Variants in PASK observed in about 807,000 individuals in gnomAD.
PASK encodes the protein PAS domain-containing serine/threonine-protein kinase.
PASK carries 110 observed loss-of-function variants against 121.0 expected under a neutral mutation model. The ratio of observed to expected loss-of-function variants is 0.91; its 90% CI spans 0.78 to 1.06. The LOEUF (loss-of-function observed/expected upper bound fraction) is 1.06. Ranked by LOEUF, PASK falls within the 50% of genes least tolerant of loss-of-function variation. PASK has a pLI of 0.00. For missense variants in PASK, 1,643 were observed against 1,702.3 expected (o/e 0.97, Z 0.61); for synonymous variants, 686 against 717.8 (o/e 0.96, Z 0.71).
At chr2:241,106,767 A>C in intron 17 of PASK, 44 bp from the exon 18 acceptor site, 2 of 1,593,876 alleles carry the variant, frequency 1.3e-6, no homozygotes, top group Non-Finnish European at 1.7e-6. Flanking sequence ...TAACAACTTA[A>C]GGTTCTAAAA....
rs752711772 is a variant in PASK, at chr2:241,138,654, A to G, written c.741T>C (p.Asp247=). The change falls in exon 5 of 18, where the codon GAT becomes GAC. Residue 247 remains aspartate, a splice_region_variant and synonymous_variant. Transcript: ENST00000234040. The stretch of plus-strand genomic sequence containing the variant: ...ACATGAGGCAAAGTTGCACACTCAC[A>G]TCGCTCTGGAAAGCGACCCAGGTCG... ...RVSTWVAFQS[D]GTVTSCDSLF... The G allele has an allele frequency of 6.2e-7, 1 of 1,613,984 alleles. No individual in the cohort carries two copies. Among genetic ancestry groups the G allele is most frequent in the Non-Finnish European group, 8.5e-7 (1 of 1,180,040 alleles).
At chr2:241,107,573 TCAC>T in intron 16 of PASK, 74 bp from the exon 17 acceptor site, 1 of 1,441,622 alleles carries the variant, frequency 6.9e-7, no homozygotes, top group Non-Finnish European at 9.6e-7. Flanking sequence ...TCCTGGGTGC[TCAC>T]CACCCCCCCG....
intron 14 of PASK, chr2:241,114,134 G>C: frequency 1.0e-6 from 1 of 985,306 alleles, no homozygotes; most frequent in South Asian, 4.7e-5. Flanking sequence ...TCAGAAACAA[G>C]TGTTGGCCAC....
At chr2:241,122,172 T>A (rs1231718436) in intron 12 of PASK, among the ~76,000 whole-genome samples, 2 of 151,328 alleles carry the variant, frequency 1.3e-5, no homozygotes. Flanking sequence ...ATAGCTCAAA[T>A]AAATGATCTA....
chr2:241,142,764 T>C (rs1410546683), intron 2 of PASK, 73 bp downstream of exon 2: 5 of 1,175,194 alleles, frequency 4.3e-6, no homozygotes, highest in East Asian at 4.8e-5. Flanking sequence ...TGAGAGGGTT[T>C]CCATGAGAAC....
rs775005451 is a variant in PASK at position 241,106,219 on chromosome 2, G to T, written c.*347C>A. ...TTTCACATATCCGTCACTCAGATGA[G>T]CATATACCAAGTCAGAGGAAACAAA... On this transcript the variant is annotated 3_prime_UTR_variant, in exon 18 of 18. Coordinates refer to ENST00000234040, the MANE Select transcript of PASK (RefSeq NM_015148.4). 8.7e-6 allele frequency: 3 copies of T among 344,914 alleles called. No homozygotes were observed. The East Asian group carries it at 2.1e-4, about 24-fold the overall frequency. 21.4% of individuals were successfully genotyped at this position (344,914 alleles called of 1,614,324 possible). A position where few individuals can be genotyped will look rare whatever the true frequency, so the allele number is the denominator to read the frequency against.
At chr2:241,114,618 A>G in intron 14 of PASK, 1 of 1,079,398 alleles carries the variant, frequency 9.3e-7, no homozygotes, top group Non-Finnish European at 1.1e-6. Context: ...TGAGAATGTC[A>G]GGATCTCAGT....
At chr2:241,123,403 C>T (rs1046689940) in intron 11 of PASK, among the ~76,000 whole-genome samples, 4 of 152,018 alleles carry the variant, frequency 2.6e-5, no homozygotes, top group African/African-American at 9.7e-5. Flanking sequence ...TGGTCTTGAT[C>T]TCCTGACCTC....
Position 241,132,961 on chromosome 2 carries a change from T to C in PASK, c.1376A>G (p.Glu459Gly), listed in dbSNP as rs1264408838. The change falls in exon 9 of 18, where the codon GAA becomes GGA. Residue 459 changes from glutamate (E) to glycine (G), a missense_variant. Transcript: ENST00000234040. ...VPRDEIRKLM[E>G]SQDIFTGTQT... ...AGTCCCGGTGAAGATGTCTTGGCTTTCCATCAGCTTCCGGATCTCATCTCG... is the reference window on the plus strand; with the variant it reads ...AGTCCCGGTGAAGATGTCTTGGCTTCCCATCAGCTTCCGGATCTCATCTCG... 3.1e-6 allele frequency: 5 copies of C among 1,613,836 alleles called. No homozygotes were observed. The Admixed American group carries it at 6.7e-5, about 22-fold the overall frequency.
In PASK at chr2:241,139,888, C is replaced by T. The variant is rs942409240; in HGVS notation, c.597G>A (p.Thr199=). 2.5e-6 allele frequency: 4 copies of T among 1,614,082 alleles called. No individual in the cohort carries two copies. Among genetic ancestry groups the T allele is most frequent in the African/African-American group, 2.7e-5 (2 of 75,052 alleles). The change falls in exon 4 of 18, where the codon ACG becomes ACA. Residue 199 remains threonine, a synonymous_variant. Coordinates refer to ENST00000234040, the MANE Select transcript of PASK (RefSeq NM_015148.4). ...CGCTGCACCCGCATCCACTCACCAC[C>T]GTGCCAAACACCACCGCAGCGTGGC... The part of the protein sequence containing the change: ...ADGHAAVVFG[T]VVDIISRSGE...
intron 2 of PASK, 167 bp from the exon 3 acceptor site, chr2:241,140,920 T>A (rs1001912014): frequency 2.3e-5 from 15 of 659,356 alleles, no homozygotes; most frequent in Admixed American, 4.4e-5. Context: ...CTGAACATGG[T>A]CCCCAGAATC....
At chr2:241,142,781 C>A (rs2066764104) in intron 2 of PASK, 56 bp downstream of exon 2, 3 of 1,285,160 alleles carry the variant, frequency 2.3e-6, no homozygotes, top group South Asian at 1.2e-5. Flanking sequence ...GAACACAGAG[C>A]AACTCCACAT....
In PASK at chr2:241,126,950, T is replaced by C. The variant is rs1194831651; in HGVS notation, c.1965A>G (p.Glu655=). Residue 655 remains glutamate (E), a synonymous_variant, in exon 10 of 18, where the codon GAA becomes GAG. Coordinates refer to ENST00000234040, the MANE Select transcript of PASK (RefSeq NM_015148.4). ...CCTTAATCAAGCAGGTCTGCAGCTC[T>C]TCTCGGTCGTTTTCCACTCCCAGCC... The part of the protein sequence containing the change: ...EPWLGVENDR[E]ELQTCLIKEQ... 3.7e-6 allele frequency: 6 copies of C among 1,614,194 alleles called. No individual in the cohort carries two copies. Among genetic ancestry groups the C allele is most frequent in the Non-Finnish European group, 5.1e-6 (6 of 1,180,024 alleles).
At chr2:241,127,939 C>G (rs2065954822) in intron 9 of PASK, among the ~76,000 whole-genome samples, 1 of 152,232 alleles carries the variant, frequency 6.6e-6, no homozygotes, top group Non-Finnish European at 1.5e-5. Flanking sequence ...GGAAATGGCT[C>G]TCAGATTTGG....
chr2:241,110,533 G>GGAGGCAGGGCAGAGCC (rs1309895780), intron 15 of PASK, among the ~76,000 whole-genome samples: 1 of 152,258 alleles, frequency 6.6e-6, no homozygotes, highest in Non-Finnish European at 1.5e-5. Context: ...GGAGAGGCCA[G>GGAGGCAGGGCAGAGCC]GAGGCAGGGC....
intron 9 of PASK, among the ~76,000 whole-genome samples, chr2:241,131,241 C>T (rs1167636249): frequency 1.3e-5 from 2 of 151,942 alleles, no homozygotes; most frequent in African/African-American, 2.4e-5. Flanking sequence ...CTCCGCCTCC[C>T]AGGTTCACAC....
In PASK at chr2:241,115,070, C is replaced by T; in HGVS notation, c.3306G>A (p.Glu1102=). The change falls in exon 14 of 18, where the codon GAG becomes GAA. Residue 1102 remains glutamate (E), a synonymous_variant. Transcript: ENST00000234040. ...AFIDRHPRLD[E]PLASYIFRQL... Reference sequence around the variant, plus strand: ...GTCGGAAGATGTAGCTCGCCAGGGGCTCATCCAGCCTGGGGTGGCGGTCGA... The same window carrying T: ...GTCGGAAGATGTAGCTCGCCAGGGGTTCATCCAGCCTGGGGTGGCGGTCGA... 2.5e-6 allele frequency: 4 copies of T among 1,614,136 alleles called. No individual in the cohort carries two copies. Among genetic ancestry groups the T allele is most frequent in the South Asian group, 1.1e-5 (1 of 91,082 alleles).
chr2:241,143,215 T>C, intron 1 of PASK, 141 bp from the exon 2 acceptor site: 4 of 650,758 alleles, frequency 6.1e-6, no homozygotes, highest in South Asian at 3.5e-5. Context: ...GAACCCGCAA[T>C]GGGAGAATGG....
rs139148368 is a variant in PASK, at chr2:241,112,786, C to T, written c.3334-347G>A. On this transcript the variant is annotated intron_variant, in intron 14 of 17. Transcript: ENST00000234040. This position sits in a 1 kb window ranked among gnomAD's most constrained non-coding sequence, Gnocchi z 5.2. ...CAGGAGGAAAGACAGGCCACAAAGC[C>T]ACAGCTCAAAGACACTCATGGTGGG... 2.6e-4 allele frequency: 84 copies of T among 318,966 alleles called. 1 individual carries two copies. Among genetic ancestry groups the T allele is most frequent in the African/African-American group, 1.6e-3 (74 of 45,768 alleles). 19.8% of individuals were successfully genotyped at this position (318,966 alleles called of 1,614,324 possible).
Sources: allele counts gnomAD v4.1 joint callset (sites outside exome capture counted in the v4.1 genomes callset), GRCh38; gene constraint gnomAD v4.1.1; non-coding constraint Gnocchi (gnomAD v3.1); transcripts MANE v1.5; gene names NCBI Gene and HGNC (gene_info 2026-07-23, HGNC 2026-07-21).